Variants in GDAP1 observed in about 807,000 individuals in gnomAD.
GDAP1 encodes ganglioside-induced differentiation-associated protein 1.
In GDAP1, 34 loss-of-function variants were observed where a neutral mutation model predicts 40.1. The ratio of observed to expected loss-of-function variants is 0.85; its 90% CI spans 0.64 to 1.13. GDAP1 has a LOEUF of 1.13. GDAP1 is among the 50% of genes most tolerant of loss of function. The probability of loss-of-function intolerance (pLI) is 0.00; values close to 1 mark genes in which losing one functional copy is unlikely to be tolerated. For missense variants in GDAP1, 374 were observed against 433.7 expected, an observed-to-expected ratio of 0.86 and a Z score of 1.22; for synonymous variants, 170 against 157.4, an observed-to-expected ratio of 1.08 and a Z score of -0.60.
intron 2 of GDAP1, among the ~76,000 whole-genome samples, chr8:74,398,717 C>G (rs548600961): frequency 6.6e-6 from 1 of 151,976 alleles, no homozygotes; most frequent in Non-Finnish European, 1.5e-5. Flanking sequence ...TTTTGAGATG[C>G]GTCCCATCAA....
At chr8:74,387,728 A>G (rs541396436) in intron 2 of GDAP1, among the ~76,000 whole-genome samples, 75 of 151,922 alleles carry the variant, frequency 4.9e-4, no homozygotes, top group African/African-American at 1.7e-3. Context: ...CTCTTTTTTG[A>G]TTGTTTGGAG....
chr8:74,370,545 T>C (rs903724888), downstream of GDAP1, among the ~76,000 whole-genome samples: 2 of 151,770 alleles, frequency 1.3e-5, no homozygotes, highest in African/African-American at 4.8e-5. Context: ...AAGAAACAAA[T>C]AGAAATAAAA....
chr8:74,397,906 G>C (rs1181697328), intron 2 of GDAP1, among the ~76,000 whole-genome samples: 4 of 151,754 alleles, frequency 2.6e-5, no homozygotes, highest in Non-Finnish European at 5.9e-5. Context: ...GTCATTGGTA[G>C]CTTGATGGGG....
intron 2 of GDAP1, among the ~76,000 whole-genome samples, chr8:74,374,373 A>C (rs763075383): frequency 6.6e-6 from 1 of 152,196 alleles, no homozygotes; most frequent in East Asian, 1.9e-4. Context: ...TGGGAAATTT[A>C]TAGCTTTAAA....
rs565995296 is a variant in GDAP1, at chr8:74,472,894, C to T, written c.166-15784C>T. 1.1e-4 allele frequency among the ~76,000 whole-genome samples: 16 copies of T among 151,990 alleles called. 1 individual carries two copies. Among genetic ancestry groups the T allele is most frequent in the Admixed American group, 7.9e-4 (12 of 15,266 alleles). On this transcript the variant is annotated intron_variant, in intron 2 of 2. Transcript: ENST00000523640. ...TCCCAAGTGGCTGGGACTATAGGTT[C>T]GTGCCACCGCACCTAGCTAATTTTT... is the stretch of plus-strand genomic sequence containing the variant.
At chr8:74,435,362 A>G (rs890242657) in intron 2 of GDAP1, among the ~76,000 whole-genome samples, 6 of 152,228 alleles carry the variant, frequency 3.9e-5, no homozygotes, top group African/African-American at 1.4e-4. Context: ...GAAACATCCT[A>G]TTGGAAAACA....
chr8:74,410,539 T>C (rs1030809915), intron 2 of GDAP1, among the ~76,000 whole-genome samples: 1 of 150,370 alleles, frequency 6.7e-6, no homozygotes, highest in Non-Finnish European at 1.5e-5. Context: ...TTTCTTTGAA[T>C]ATTGAGAAAA....
At chr8:74,472,428 T>C (rs1003252616) in intron 2 of GDAP1, among the ~76,000 whole-genome samples, 10 of 152,224 alleles carry the variant, frequency 6.6e-5, no homozygotes, top group Non-Finnish European at 1.5e-4. Flanking sequence ...GATAGAATAA[T>C]TTATATTTCT....
chr8:74,479,374 A>G (rs1806677551), intron 2 of GDAP1, among the ~76,000 whole-genome samples: 1 of 152,110 alleles, frequency 6.6e-6, no homozygotes. Flanking sequence ...GTCCTTACCT[A>G]TTTTTCCCAC....
At chr8:74,487,626 T>C (rs1372999885) in intron 2 of GDAP1, among the ~76,000 whole-genome samples, 1 of 152,172 alleles carries the variant, frequency 6.6e-6, no homozygotes, top group African/African-American at 2.4e-5. Context: ...ATGTGTTCCA[T>C]TGGTCCTTTT....
chr8:74,443,100 C>T (rs1380070358), intron 2 of GDAP1, among the ~76,000 whole-genome samples: 2 of 152,094 alleles, frequency 1.3e-5, no homozygotes, highest in Non-Finnish European at 2.9e-5. Context: ...GGGTTATTCC[C>T]TATGTGGACT....
At chr8:74,462,034 AT>A (rs1331772164) in intron 2 of GDAP1, among the ~76,000 whole-genome samples, 2 of 152,326 alleles carry the variant, frequency 1.3e-5, no homozygotes, top group East Asian at 3.9e-4. Context: ...AACTTGAATA[AT>A]TTTTTTAAAA....
chr8:74,475,480 G>A (rs892438825), intron 2 of GDAP1, among the ~76,000 whole-genome samples: 11 of 151,896 alleles, frequency 7.2e-5, no homozygotes, highest in African/African-American at 2.7e-4. Context: ...TTGGTATATT[G>A]TATCTTTGTT....
At chr8:74,459,466 G>T (rs989560222) in intron 2 of GDAP1, among the ~76,000 whole-genome samples, 1 of 152,150 alleles carries the variant, frequency 6.6e-6, no homozygotes, top group Non-Finnish European at 1.5e-5. Flanking sequence ...CTAGTGTTTT[G>T]TCTGGGATTC....
In GDAP1 at chr8:74,482,117, TTTG is replaced by T. The variant is rs775983786; in HGVS notation, c.166-6560_166-6558del. On this transcript the variant is annotated intron_variant, in intron 2 of 2. Transcript: ENST00000523640. Reference sequence around the variant, plus strand: ...CTCAAACCAAACTGAAGGGTTTTTTTTTGGGGGGGGGGGGTCATCTTTCTTCCA... The same window carrying T: ...CTCAAACCAAACTGAAGGGTTTTTTTGGGGGGGGGGGTCATCTTTCTTCCA... Among the ~76,000 whole-genome samples, 154 of 75,760 alleles carry T rather than the reference TTTG, an allele frequency of 2.0e-3. 1 individual carries two copies. Among genetic ancestry groups the T allele is most frequent in the Non-Finnish European group, 2.7e-3 (102 of 37,932 alleles). The allele number at this position is 75,760 out of a possible 152,430, so 49.7% of individuals were successfully genotyped here.
At chr8:74,463,893 G>A (rs545748071) in intron 2 of GDAP1, among the ~76,000 whole-genome samples, 66 of 151,954 alleles carry the variant, frequency 4.3e-4, no homozygotes, top group African/African-American at 1.1e-3. Context: ...ACATGATGGC[G>A]GGATTTATTT....
Position 74,461,935 on chromosome 8 carries a change from G to T in GDAP1, c.166-26743G>T, listed in dbSNP as rs562985552. Among the ~76,000 whole-genome samples the T allele has an allele frequency of 3.3e-5, 5 of 152,130 alleles. No homozygotes were observed. The South Asian group carries it at 1.0e-3, about 32-fold the overall frequency. ...CCAGCAGAAAGCATTTCATCCTAAG[G>T]AATAAAATTTTCCTCTCTTTATTCC... On this transcript the variant is annotated intron_variant, in intron 2 of 2. Transcript: ENST00000523640.
At chr8:74,462,779 T>A (rs1407091036) in intron 2 of GDAP1, among the ~76,000 whole-genome samples, 1 of 152,164 alleles carries the variant, frequency 6.6e-6, no homozygotes, top group Non-Finnish European at 1.5e-5. Context: ...GAATTTTTTT[T>A]ATACTTGAAT....
intron 2 of GDAP1, among the ~76,000 whole-genome samples, chr8:74,450,565 G>A (rs558762494): frequency 1.3e-5 from 2 of 151,990 alleles, no homozygotes; most frequent in East Asian, 3.9e-4. Context: ...TTCTCTGGTA[G>A]TATTTTGAAG....
Sources: allele counts gnomAD v4.1 joint callset (sites outside exome capture counted in the v4.1 genomes callset), GRCh38; gene constraint gnomAD v4.1.1; transcripts MANE v1.5; gene names NCBI Gene and HGNC (gene_info 2026-07-23, HGNC 2026-07-21).